Variants in PIEZO2 observed in about 807,000 individuals in gnomAD.
PIEZO2 encodes the protein piezo-type mechanosensitive ion channel component 2.
PIEZO2 carries 172 observed loss-of-function variants against 337.3 expected under a neutral mutation model. The observed-to-expected ratio is 0.51, with a 90% confidence interval of 0.45 to 0.58. The LOEUF (loss-of-function observed/expected upper bound fraction) is 0.58. Among genes scored for constraint, PIEZO2 ranks in the 20% least tolerant of loss-of-function variants. The pLI is 0.00. For synonymous variants in PIEZO2, 1,251 were observed against 1,228.5 expected (o/e 1.02, Z -0.38); for missense variants, 3,028 against 3,391.3 (o/e 0.89, Z 2.66).
chr18:10,796,360 A>T (rs12965380), intron 12 of PIEZO2, among the ~76,000 whole-genome samples: 42,930 of 131,472 alleles, frequency 0.33, 6,288 homozygotes, highest in East Asian at 0.42. Context: ...ACAGAGCAAG[A>T]CTCCATCTCA....
At position 11,019,235 on chromosome 18, in the gene PIEZO2, G is replaced by A. The variant is rs566054427; in HGVS notation, c.161-39575C>T. Among the ~76,000 whole-genome samples the A allele has an allele frequency of 8.3e-4, 126 of 152,276 alleles. 1 individual carries two copies. Among genetic ancestry groups the A allele is most frequent in the Non-Finnish European group, 1.6e-3 (111 of 68,030 alleles). ...CTTCCTGATCATGAACTTTTCATAT[G>A]GGAACCAGAGAGATCTTTTAAAGAC... is the stretch of plus-strand genomic sequence containing the variant. On this transcript the variant is annotated intron_variant, in intron 2 of 55. Transcript: ENST00000674853.
chr18:10,850,059 C>T lies in PIEZO2; in HGVS notation c.917+5294G>A, dbSNP rs1248827958. Among the ~76,000 whole-genome samples the T allele has an allele frequency of 3.9e-5, 6 of 152,190 alleles. No individual in the cohort carries two copies. Among genetic ancestry groups the T allele is most frequent in the South Asian group, 4.1e-4 (2 of 4,836 alleles). On this transcript the variant is annotated intron_variant, in intron 7 of 55. Coordinates refer to ENST00000674853, the MANE Select transcript of PIEZO2 (RefSeq NM_001378183.1). The surrounding 1 kb of genome is among the most constrained non-coding windows in gnomAD (Gnocchi z 4.5). ...ATTTCAGACCCAGTATCTTAACCTC[C>T]CCTAAGTACACCTATCTCTGTCACA... is the stretch of plus-strand genomic sequence containing the variant.
chr18:11,138,281 TG>T (rs2146269502), intron 1 of PIEZO2, among the ~76,000 whole-genome samples: 1 of 152,272 alleles, frequency 6.6e-6, no homozygotes, highest in African/African-American at 2.4e-5. Flanking sequence ...GTGTTTTTTT[TG>T]TTGTTGTTGT....
At chr18:11,106,416 CTCTTT>C (rs2039566881) in intron 1 of PIEZO2, among the ~76,000 whole-genome samples, 1 of 134,580 alleles carries the variant, frequency 7.4e-6, no homozygotes, top group South Asian at 2.2e-4. Flanking sequence ...TCTTTCCTCT[CTCTTT>C]TTTTTTTTTT....
chr18:10,804,924 G>C (rs923664752), intron 8 of PIEZO2, among the ~76,000 whole-genome samples: 1 of 152,174 alleles, frequency 6.6e-6, no homozygotes, highest in African/African-American at 2.4e-5. Flanking sequence ...GTTGATGATA[G>C]TTTGAAGCCC....
chr18:11,010,385 T>C (rs1409917460), intron 2 of PIEZO2, among the ~76,000 whole-genome samples: 1 of 152,164 alleles, frequency 6.6e-6, no homozygotes, highest in East Asian at 1.9e-4. Context: ...CAACATGTTT[T>C]GAGAAGTGTA....
Position 10,773,665 on chromosome 18 carries a change from G to T in PIEZO2, c.2568-36C>A. ...AGAGCAGCTGAGTCAGAAGAGGAAA[G>T]GGTGTTGGGAGAGATTTGACTGAGG... On this transcript the variant is annotated intron_variant, in intron 19 of 55. Coordinates refer to ENST00000674853, the MANE Select transcript of PIEZO2 (RefSeq NM_001378183.1). This position sits in a 1 kb window ranked among gnomAD's most constrained non-coding sequence, Gnocchi z 5.3. The T allele has an allele frequency of 6.5e-7, 1 of 1,527,346 alleles. No homozygotes were observed. Among genetic ancestry groups the T allele is most frequent in the Non-Finnish European group, 8.8e-7 (1 of 1,138,172 alleles). The allele number at this position is 1,527,346 out of a possible 1,614,324, so 94.6% of individuals were successfully genotyped here. A position where few individuals can be genotyped will look rare whatever the true frequency, so the allele number is the denominator to read the frequency against.
At position 11,002,252 on chromosome 18, in the gene PIEZO2, C is replaced by T. The variant is rs936868313; in HGVS notation, c.161-22592G>A. ...CAACCATTTACATTCGCTCCTAGGTCATACAAAATACAGCAGTGAGTAGAG... is the reference window on the plus strand; with the variant it reads ...CAACCATTTACATTCGCTCCTAGGTTATACAAAATACAGCAGTGAGTAGAG... On this transcript the variant is annotated intron_variant, in intron 2 of 55. Coordinates refer to ENST00000674853, the MANE Select transcript of PIEZO2 (RefSeq NM_001378183.1). This position sits in a 1 kb window ranked among gnomAD's most constrained non-coding sequence, Gnocchi z 4.3. Among the ~76,000 whole-genome samples the T allele has an allele frequency of 1.8e-4, 28 of 152,140 alleles. No homozygotes were observed. Among genetic ancestry groups the T allele is most frequent in the African/African-American group, 6.8e-4 (28 of 41,440 alleles).
chr18:10,678,547 C>G (rs1378223020), intron 52 of PIEZO2, among the ~76,000 whole-genome samples: 1 of 152,090 alleles, frequency 6.6e-6, no homozygotes, highest in South Asian at 2.1e-4. Flanking sequence ...CTCATGGACC[C>G]AAATGAACCT....
chr18:10,787,864 T>C (rs1430808188), intron 15 of PIEZO2, among the ~76,000 whole-genome samples: 1 of 152,234 alleles, frequency 6.6e-6, no homozygotes, highest in African/African-American at 2.4e-5. Context: ...AGTGAGTCTG[T>C]GGAGAAGTAA....
chr18:10,745,008 C>A (rs980770801), intron 30 of PIEZO2, among the ~76,000 whole-genome samples: 2 of 152,212 alleles, frequency 1.3e-5, no homozygotes, highest in Non-Finnish European at 2.9e-5. Flanking sequence ...GTGGCTGTTT[C>A]AAACTCTGCT....
intron 2 of PIEZO2, among the ~76,000 whole-genome samples, chr18:11,057,520 G>T (rs1415257955): frequency 6.6e-6 from 1 of 152,086 alleles, no homozygotes; most frequent in Admixed American, 6.5e-5. Context: ...CTCTTTCTTT[G>T]CTGCTTAAAG....
intron 4 of PIEZO2, among the ~76,000 whole-genome samples, chr18:10,900,524 G>A (rs1598652985): frequency 6.6e-6 from 1 of 152,288 alleles, no homozygotes; most frequent in South Asian, 2.1e-4. Flanking sequence ...CAAAATCTAA[G>A]TCAGAATTCT....
chr18:11,132,494 C>T lies in PIEZO2; in HGVS notation c.64+16031G>A, dbSNP rs928626081. The stretch of plus-strand genomic sequence containing the variant: ...GGCCGTGTATGCTCTGAATCAACAT[C>T]CAATATATGGTACTGTTTCTCTCAT... On this transcript the variant is annotated intron_variant, in intron 1 of 55. Transcript: ENST00000674853. The surrounding 1 kb of genome is among the most constrained non-coding windows in gnomAD (Gnocchi z 4.7). 4.6e-5 allele frequency among the ~76,000 whole-genome samples: 7 copies of T among 152,126 alleles called. No individual in the cohort carries two copies. The highest frequency in any genetic ancestry group is 6.6e-5 in the Admixed American group (1 of 15,264).
Position 10,759,375 on chromosome 18 carries a change from TACGAAGTCTAGTGGA to T in PIEZO2, c.3757+92_3757+106del, listed in dbSNP as rs2038023693. 1.1e-6 allele frequency: 1 copy of T among 912,032 alleles called. No individual in the cohort carries two copies. The highest frequency in any genetic ancestry group is 2.2e-5 in the Admixed American group (1 of 44,874). 56.5% of individuals were successfully genotyped at this position (912,032 alleles called of 1,614,324 possible). A position where few individuals can be genotyped will look rare whatever the true frequency, so the allele number is the denominator to read the frequency against. Reference sequence around the variant, plus strand: ...TGCATAAGACAAGCCTTTACATGATTACGAAGTCTAGTGGAAGACAAAAGGCACTAATGCATAGCA... The same window carrying T: ...TGCATAAGACAAGCCTTTACATGATTAGACAAAAGGCACTAATGCATAGCA... On this transcript the variant is annotated intron_variant, in intron 26 of 55. Coordinates refer to ENST00000674853, the MANE Select transcript of PIEZO2 (RefSeq NM_001378183.1). The surrounding 1 kb of genome is among the most constrained non-coding windows in gnomAD (Gnocchi z 5.5).
chr18:10,774,407 T>G (rs2038715058), intron 18 of PIEZO2, among the ~76,000 whole-genome samples: 1 of 152,140 alleles, frequency 6.6e-6, no homozygotes. Flanking sequence ...ATGTGTGCTT[T>G]CAGTCAACCT....
In PIEZO2 at chr18:10,888,507, C is replaced by CG. The variant is rs1568167902; in HGVS notation, c.330-17093dup. 6.6e-6 allele frequency among the ~76,000 whole-genome samples: 1 copy of CG among 152,066 alleles called. No individual in the cohort carries two copies. Among genetic ancestry groups the CG allele is most frequent in the Admixed American group, 6.6e-5 (1 of 15,258 alleles). On this transcript the variant is annotated intron_variant, in intron 4 of 55. Transcript: ENST00000674853. The surrounding 1 kb of genome is among the most constrained non-coding windows in gnomAD (Gnocchi z 4.1). ...CTGGGCACTTGGAGTAGCATTGTTA[C>CG]GGGGGCGACATTGCTTCTGGGTCCT...
intron 27 of PIEZO2, among the ~76,000 whole-genome samples, 179 bp from the exon 28 acceptor site, chr18:10,753,058 T>C (rs1041959867): frequency 6.6e-6 from 1 of 152,192 alleles, no homozygotes; most frequent in Non-Finnish European, 1.5e-5. Flanking sequence ...AATAGACCAA[T>C]AGATGAGTTT....
rs765659897 is a variant in PIEZO2 at position 10,775,661 on chromosome 18, C to T, written c.2535-1623G>A. Among the ~76,000 whole-genome samples the T allele has an allele frequency of 9.9e-5, 15 of 152,186 alleles. No individual in the cohort carries two copies. Among genetic ancestry groups the T allele is most frequent in the Non-Finnish European group, 1.9e-4 (13 of 68,026 alleles). Reference sequence around the variant, plus strand: ...CTTAAGCAACGATGCCCCCAAACTGCCATGCCACAGGCAGGGTGCATTGAG... The same window carrying T: ...CTTAAGCAACGATGCCCCCAAACTGTCATGCCACAGGCAGGGTGCATTGAG... On this transcript the variant is annotated intron_variant, in intron 18 of 55. Transcript: ENST00000674853. The surrounding 1 kb of genome is among the most constrained non-coding windows in gnomAD (Gnocchi z 4.3).
Sources: gnomAD v4.1 joint callset for allele counts (sites outside exome capture counted in the v4.1 genomes callset) on GRCh38, gnomAD v4.1.1 for gene constraint, Gnocchi (gnomAD v3.1) non-coding constraint, MANE v1.5 for transcripts, NCBI Gene and HGNC (gene_info 2026-07-23, HGNC 2026-07-21) for gene names.